CERKL: variants seen among roughly 807,000 people sequenced by gnomAD.
The protein encoded by CERKL is CERK like autophagy regulator.
CERKL carries 61 observed loss-of-function variants against 63.4 expected under a neutral mutation model. That is an observed-to-expected ratio of 0.96 (90% confidence interval 0.78 to 1.19). The LOEUF (loss-of-function observed/expected upper bound fraction) is 1.19, where lower values mean the gene tolerates loss of function less well. Ranked by LOEUF, CERKL falls within the 50% of genes most tolerant of loss-of-function variation. The pLI, the probability that CERKL is intolerant of heterozygous loss-of-function variation, is 0.00. For missense variants in CERKL, 675 were observed against 655.5 expected (o/e 1.03, Z -0.33); for synonymous variants, 250 against 230.5 (o/e 1.08, Z -0.77).
intron 1 of CERKL, among the ~76,000 whole-genome samples, chr2:181,641,540 C>T (rs1687443686): frequency 6.6e-6 from 1 of 151,860 alleles, no homozygotes; most frequent in African/African-American, 2.4e-5. Context: ...AACTCAGTTG[C>T]TTTATCTTTA....
At chr2:181,633,790 ATAAAG>A (rs1391389005) in intron 1 of CERKL, among the ~76,000 whole-genome samples, 2 of 152,188 alleles carry the variant, frequency 1.3e-5, no homozygotes, top group Non-Finnish European at 2.9e-5. Flanking sequence ...TCTAGTCTCC[ATAAAG>A]TAAAGATTTC....
At chr2:181,618,997 T>C (rs904852264) in intron 1 of CERKL, among the ~76,000 whole-genome samples, 5 of 152,204 alleles carry the variant, frequency 3.3e-5, no homozygotes, top group Non-Finnish European at 7.3e-5. Context: ...TTTTACACCA[T>C]CTATGCAACA....
At position 181,547,841 on chromosome 2, in the gene CERKL, T is replaced by C; in HGVS notation, c.1140A>G (p.Ala380=). 1 of 1,613,836 alleles carries C rather than the reference T, an allele frequency of 6.2e-7. No homozygotes were observed. Among genetic ancestry groups the C allele is most frequent in the Non-Finnish European group, 8.5e-7 (1 of 1,179,976 alleles). Reference sequence around the variant, plus strand: ...ACTCACCAGATTTGGGAGATCCCTGTGCCCTCCTAAAAGAAAGAAAACAAA... The same window carrying C: ...ACTCACCAGATTTGGGAGATCCCTGCGCCCTCCTAAAAGAAAGAAAACAAA... ...NSSDDVQERR[A]QGSPKSDCND... Residue 380 remains alanine (A), a synonymous_variant, in exon 9 of 13, where the codon GCA becomes GCG. Transcript: ENST00000410087.
intron 1 of CERKL, among the ~76,000 whole-genome samples, chr2:181,654,613 C>A (rs1688077150): frequency 6.6e-6 from 1 of 152,186 alleles, no homozygotes. Context: ...TCTCCCCCCA[C>A]CACATCCTAC....
intron 4 of CERKL, chr2:181,565,614 A>G: frequency 1.1e-6 from 1 of 934,774 alleles, no homozygotes. Flanking sequence ...TATTTATAAA[A>G]TATCTTCCCT....
At chr2:181,623,677 G>A (rs745882400) in intron 1 of CERKL, among the ~76,000 whole-genome samples, 1 of 152,074 alleles carries the variant, frequency 6.6e-6, no homozygotes, top group Non-Finnish European at 1.5e-5. Context: ...ACAAAATAAG[G>A]GAGCATGCTG....
chr2:181,590,756 A>T (rs375314119), intron 2 of CERKL, among the ~76,000 whole-genome samples: 3 of 152,336 alleles, frequency 2.0e-5, no homozygotes, highest in South Asian at 4.1e-4. Context: ...ATTCTAAAAC[A>T]TAAAAGTACT....
chr2:181,594,472 G>A (rs1685119214), intron 2 of CERKL, among the ~76,000 whole-genome samples: 1 of 152,202 alleles, frequency 6.6e-6, no homozygotes, highest in Non-Finnish European at 1.5e-5. Context: ...ATTCTAGACA[G>A]AGGGAAGTCC....
intron 4 of CERKL, among the ~76,000 whole-genome samples, chr2:181,563,767 T>C (rs1211686302): frequency 6.6e-6 from 1 of 151,946 alleles, no homozygotes; most frequent in Admixed American, 6.6e-5. Flanking sequence ...CTGAAGAAAC[T>C]ATGTTTCTAT....
intron 5 of CERKL, among the ~76,000 whole-genome samples, chr2:181,555,320 G>T (rs1688156632): frequency 6.6e-6 from 1 of 152,026 alleles, no homozygotes; most frequent in East Asian, 1.9e-4. Flanking sequence ...ATTATAGTCA[G>T]AACTACTAAA....
intron 1 of CERKL, among the ~76,000 whole-genome samples, chr2:181,612,602 A>T (rs182261778): frequency 1.4e-3 from 215 of 152,218 alleles, no homozygotes; most frequent in African/African-American, 4.5e-3. Context: ...AGTGTCAAGA[A>T]ATTAAACATA....
chr2:181,623,853 T>C (rs1325810191), intron 1 of CERKL, among the ~76,000 whole-genome samples: 1 of 152,210 alleles, frequency 6.6e-6, no homozygotes, highest in Admixed American at 6.5e-5. Flanking sequence ...GCATGGGCAT[T>C]CTTAATGTTT....
chr2:181,593,547 A>AT (rs1418061619), intron 2 of CERKL, among the ~76,000 whole-genome samples: 12 of 151,914 alleles, frequency 7.9e-5, no homozygotes, highest in Admixed American at 3.3e-4. Context: ...AAAAAAAAAA[A>AT]CTAAAACACC....
At chr2:181,637,628 T>C (rs1463292758) in intron 1 of CERKL, among the ~76,000 whole-genome samples, 1 of 152,124 alleles carries the variant, frequency 6.6e-6, no homozygotes, top group Admixed American at 6.5e-5. Context: ...AAATAAGCTT[T>C]CCTACCTACA....
intron 12 of CERKL, among the ~76,000 whole-genome samples, 156 bp downstream of exon 12, chr2:181,538,936 T>G (rs1421464481): frequency 1.3e-5 from 2 of 152,210 alleles, no homozygotes; most frequent in Non-Finnish European, 2.9e-5. Flanking sequence ...TTTTATTTAT[T>G]GAAATTTGTG....
intron 2 of CERKL, among the ~76,000 whole-genome samples, chr2:181,594,130 C>A (rs745374258): frequency 1.3e-5 from 2 of 152,170 alleles, no homozygotes; most frequent in Non-Finnish European, 2.9e-5. Flanking sequence ...ACTTCACCAA[C>A]ATTTACTGAG....
At chr2:181,543,218 T>C (rs142572181) in intron 11 of CERKL, among the ~76,000 whole-genome samples, 50 of 152,330 alleles carry the variant, frequency 3.3e-4, no homozygotes, top group African/African-American at 1.2e-3. Context: ...TGTTTCTATT[T>C]TCTGACTTAA....
rs557204657 is a variant in CERKL, at chr2:181,569,340, C to T, written c.614-3219G>A. On this transcript the variant is annotated intron_variant, in intron 3 of 12. Coordinates refer to ENST00000410087, the MANE Select transcript of CERKL (RefSeq NM_201548.5). ...GCAGGTAAAATTGGAAGGAGTGATG[C>T]CTCAGGCTACTGGAATCTTTTGTGA... Among the ~76,000 whole-genome samples, 8 of 152,254 alleles carry T rather than the reference C, an allele frequency of 5.3e-5. No individual in the cohort carries two copies. In the East Asian group the frequency reaches 1.5e-3, roughly 29 times the overall value.
At chr2:181,568,017 T>C (rs368954539) in intron 3 of CERKL, among the ~76,000 whole-genome samples, 23 of 152,308 alleles carry the variant, frequency 1.5e-4, no homozygotes, top group African/African-American at 5.1e-4. Context: ...TCTTTCTAAA[T>C]AGGAGATGTG....
Sources: allele counts gnomAD v4.1 joint callset (sites outside exome capture counted in the v4.1 genomes callset), GRCh38; gene constraint gnomAD v4.1.1; transcripts MANE v1.5; gene names NCBI Gene and HGNC (gene_info 2026-07-23, HGNC 2026-07-21).